The following FBN2 variants were observed in gnomAD, a reference collection of about 807,000 sequenced individuals.
FBN2 encodes the protein fibrillin-2.
In FBN2, 105 loss-of-function variants were observed where a neutral mutation model predicts 355.6. That is an observed-to-expected ratio of 0.30 (90% CI 0.25 to 0.35). The LOEUF is 0.35. FBN2 is among the 10% of genes least tolerant of loss of function. The pLI is 1.00. For missense variants in FBN2, 3,280 were observed against 3,758.7 expected (o/e 0.87, Z 3.33); for synonymous variants, 1,350 against 1,301.2 (o/e 1.04, Z -0.81).
At chr5:128,522,726 T>C (rs1331005143) in intron 4 of FBN2, among the ~76,000 whole-genome samples, 2 of 152,102 alleles carry the variant, frequency 1.3e-5, no homozygotes, top group Non-Finnish European at 2.9e-5. Flanking sequence ...TGATGAAAGG[T>C]ATTTTACAAA....
intron 5 of FBN2, among the ~76,000 whole-genome samples, chr5:128,492,492 T>C (rs1755534595): frequency 6.6e-6 from 1 of 152,114 alleles, no homozygotes. Flanking sequence ...ATAAACAGGG[T>C]CAAACTTTTG....
chr5:128,508,972 T>C (rs1287692000), intron 5 of FBN2, among the ~76,000 whole-genome samples: 1 of 152,090 alleles, frequency 6.6e-6, no homozygotes, highest in African/African-American at 2.4e-5. Context: ...GTTATTTTTA[T>C]CTTCTTTTCC....
chr5:128,339,228 T>A, intron 25 of FBN2, 167 bp from the exon 26 acceptor site: 1 of 647,658 alleles, frequency 1.5e-6, no homozygotes, highest in Non-Finnish European at 2.7e-6. Flanking sequence ...GGCACATTCC[T>A]TTCCCCAACT....
At chr5:128,313,188 T>G (rs189962679) in intron 36 of FBN2, among the ~76,000 whole-genome samples, 1 of 152,200 alleles carries the variant, frequency 6.6e-6, no homozygotes, top group Non-Finnish European at 1.5e-5. Flanking sequence ...TTGCAGGTTT[T>G]GGAAAAGATA....
chr5:128,387,177 T>C (rs534351593), intron 11 of FBN2, among the ~76,000 whole-genome samples: 1 of 152,254 alleles, frequency 6.6e-6, no homozygotes, highest in East Asian at 1.9e-4. Flanking sequence ...TGGGAGATGT[T>C]ATGTTTCCAG....
At chr5:128,458,364 A>T (rs1754462308) in intron 6 of FBN2, among the ~76,000 whole-genome samples, 1 of 151,950 alleles carries the variant, frequency 6.6e-6, no homozygotes, top group Non-Finnish European at 1.5e-5. Context: ...ATAGTGGGAG[A>T]CTTTAACACC....
At position 128,271,860 on chromosome 5, in the gene FBN2, T is replaced by A. The variant is rs922024925; in HGVS notation, c.7960+139A>T. On this transcript the variant is annotated intron_variant, in intron 62 of 64. Transcript: ENST00000262464. ...TACACACTAGCAGAATGAGTCCCCA[T>A]GCATCAGTCTTAAGGACTGGGTTTA... is the stretch of plus-strand genomic sequence containing the variant. 9 of 941,768 alleles carry A rather than the reference T, an allele frequency of 9.6e-6. No individual in the cohort carries two copies. In the African/African-American group the frequency reaches 1.5e-4, roughly 15 times the overall value. 58.3% of individuals were successfully genotyped at this position (941,768 alleles called of 1,614,324 possible). A position where few individuals can be genotyped will look rare whatever the true frequency, so the allele number is the denominator to read the frequency against.
intron 5 of FBN2, among the ~76,000 whole-genome samples, chr5:128,468,776 G>T (rs1754780365): frequency 6.6e-6 from 1 of 152,052 alleles, no homozygotes. Context: ...GAGCATTATT[G>T]TTTATAGAAA....
intron 7 of FBN2, among the ~76,000 whole-genome samples, chr5:128,438,712 G>A (rs944406258): frequency 2.0e-5 from 3 of 152,042 alleles, no homozygotes; most frequent in African/African-American, 7.2e-5. Context: ...CAAGAGTTCT[G>A]GACGGAAATT....
At chr5:128,476,732 C>G (rs1320381771) in intron 5 of FBN2, among the ~76,000 whole-genome samples, 2 of 151,754 alleles carry the variant, frequency 1.3e-5, no homozygotes, top group Non-Finnish European at 2.9e-5. Flanking sequence ...CAGCTTTGTA[C>G]CATATAAACA....
intron 6 of FBN2, among the ~76,000 whole-genome samples, chr5:128,461,763 AC>A (rs1244091668): frequency 6.6e-6 from 1 of 151,728 alleles, no homozygotes; most frequent in African/African-American, 2.4e-5. Flanking sequence ...AGAAAACCAA[AC>A]ACCACATGTT....
chr5:128,519,392 C>T, intron 4 of FBN2, 24 bp from the exon 5 acceptor site: 1 of 1,577,368 alleles, frequency 6.3e-7, no homozygotes, highest in East Asian at 2.2e-5. Context: ...TAGCAAGAAG[C>T]TCATTATATA....
chr5:128,293,344 T>G (rs543566788), intron 48 of FBN2, among the ~76,000 whole-genome samples: 11 of 152,196 alleles, frequency 7.2e-5, no homozygotes, highest in Non-Finnish European at 8.8e-5. Context: ...GTACAAAAAT[T>G]AGCCAGGCGT....
At chr5:128,369,952 C>T (rs1751887243) in intron 15 of FBN2, among the ~76,000 whole-genome samples, 1 of 152,164 alleles carries the variant, frequency 6.6e-6, no homozygotes, top group Non-Finnish European at 1.5e-5. Context: ...ATTGAACAGT[C>T]AGGTCAACAG....
At chr5:128,399,405 C>T (rs1179825330) in intron 8 of FBN2, among the ~76,000 whole-genome samples, 1 of 152,082 alleles carries the variant, frequency 6.6e-6, no homozygotes, top group African/African-American at 2.4e-5. Context: ...AAATTCTGTA[C>T]TGTGATAAAT....
intron 5 of FBN2, among the ~76,000 whole-genome samples, chr5:128,490,983 T>C (rs1394239260): frequency 1.3e-5 from 2 of 152,198 alleles, no homozygotes; most frequent in African/African-American, 4.8e-5. Flanking sequence ...ATTTCCATAA[T>C]TGTTATTTGA....
At chr5:128,482,240 G>A (rs1387863710) in intron 5 of FBN2, among the ~76,000 whole-genome samples, 1 of 152,000 alleles carries the variant, frequency 6.6e-6, no homozygotes. Flanking sequence ...TGTTTACTTT[G>A]TCTGAGTCTT....
Position 128,379,011 on chromosome 5 carries a change from G to A in FBN2, c.1604-121C>T, listed in dbSNP as rs56090677. On this transcript the variant is annotated intron_variant, in intron 11 of 64. Coordinates refer to ENST00000262464, the MANE Select transcript of FBN2 (RefSeq NM_001999.4). ...AGTCAGTGGTAATAGTCTAAATAGC[G>A]AAGTATTTATAAATGAATGAAAATT... 79,885 of 1,070,720 alleles carry A rather than the reference G, an allele frequency of 0.075. 3,460 individuals are homozygous for A. Among genetic ancestry groups the A allele is most frequent in the Non-Finnish European group, 0.087 (60,852 of 697,942 alleles). 66.3% of individuals were successfully genotyped at this position (1,070,720 alleles called of 1,614,324 possible).
At chr5:128,535,543 C>A (rs1287595042) in intron 2 of FBN2, among the ~76,000 whole-genome samples, 1 of 152,140 alleles carries the variant, frequency 6.6e-6, no homozygotes, top group Non-Finnish European at 1.5e-5. Flanking sequence ...CATAAACACA[C>A]AGGAGAAGGC....
Sources: allele counts gnomAD v4.1 joint callset (sites outside exome capture counted in the v4.1 genomes callset), GRCh38; gene constraint gnomAD v4.1.1; transcripts MANE v1.5; gene names NCBI Gene and HGNC (gene_info 2026-07-23, HGNC 2026-07-21).